LRRC42: variants seen among roughly 807,000 people sequenced by gnomAD.
LRRC42 encodes the protein leucine-rich repeat-containing protein 42.
A neutral mutation model predicts 44.3 loss-of-function variants in LRRC42; 43 were observed. That is an observed-to-expected ratio of 0.97 (90% confidence interval 0.76 to 1.25). LRRC42 has a LOEUF of 1.25. Ranked by LOEUF, LRRC42 falls within the 50% of genes most tolerant of loss-of-function variation. LRRC42 has a pLI of 0.00. For missense variants in LRRC42, 540 were observed against 509.1 expected (o/e 1.06, Z -0.58); for synonymous variants, 207 against 195.2 (o/e 1.06, Z -0.50).
At position 53,957,431 on chromosome 1, in the gene LRRC42, C is replaced by A. The variant is rs149944909; in HGVS notation, c.474-718C>A. Among the ~76,000 whole-genome samples, 56 of 152,322 alleles carry A rather than the reference C, an allele frequency of 3.7e-4. No homozygotes were observed. In the East Asian group the frequency reaches 8.3e-3, roughly 23 times the overall value. ...AGCAGGGTGGAGGCCCCAGCCTGGGCTGTGGAATGCTGTTTTGATCTCCTT... is the reference window on the plus strand; with the variant it reads ...AGCAGGGTGGAGGCCCCAGCCTGGGATGTGGAATGCTGTTTTGATCTCCTT... On this transcript the variant is annotated intron_variant, in intron 3 of 8. Coordinates refer to ENST00000371370, the MANE Select transcript of LRRC42 (RefSeq NM_001256409.2).
In LRRC42 at chr1:53,951,408, A is replaced by C. The variant is rs150875831; in HGVS notation, c.-14-578A>C. Among the ~76,000 whole-genome samples the C allele has an allele frequency of 9.3e-3, 1,422 of 152,176 alleles. 29 individuals are homozygous for C. The highest frequency in any genetic ancestry group is 0.033 in the African/African-American group (1,356 of 41,514). The stretch of plus-strand genomic sequence containing the variant: ...TTCCTTAGCATGAATTTTGAAGATG[A>C]GATTTTGACCTGGGTTTCTGTTTGT... On this transcript the variant is annotated intron_variant, in intron 2 of 8. Transcript: ENST00000371370.
At position 53,967,938 on chromosome 1, in the gene LRRC42, G is replaced by T. The variant is rs1377421178; in HGVS notation, c.1286G>T (p.Ter429LeuextTer6). 1.2e-6 allele frequency: 2 copies of T among 1,611,218 alleles called. No homozygotes were observed. Among genetic ancestry groups the T allele is most frequent in the Admixed American group, 1.7e-5 (1 of 59,844 alleles). Residue 429 changes from the stop codon to leucine (L), a stop_lost, in exon 9 of 9, where the codon TGA becomes TTA. Coordinates refer to ENST00000371370, the MANE Select transcript of LRRC42 (RefSeq NM_001256409.2). ...VEDWDLLNSY[*>L] ...GACTGGGACTTGTTAAATTCCTATTGATTAGTAGATACAAGTTGACCTTTC... is the reference window on the plus strand; with the variant it reads ...GACTGGGACTTGTTAAATTCCTATTTATTAGTAGATACAAGTTGACCTTTC...
At chr1:53,947,457 A>G (rs1654537254) in intron 1 of LRRC42, among the ~76,000 whole-genome samples, 2 of 152,264 alleles carry the variant, frequency 1.3e-5, no homozygotes, top group Middle Eastern at 3.4e-3. Flanking sequence ...AAGAATGGGG[A>G]CACACAGAAC....
At chr1:53,961,145 C>T (rs1216708589) in intron 5 of LRRC42, among the ~76,000 whole-genome samples, 1 of 152,156 alleles carries the variant, frequency 6.6e-6, no homozygotes, top group Admixed American at 6.5e-5. Context: ...CGCGGTGGCT[C>T]ACGCCTGTAA....
intron 1 of LRRC42, among the ~76,000 whole-genome samples, chr1:53,947,406 G>A (rs1654533096): frequency 6.6e-6 from 1 of 152,094 alleles, no homozygotes; most frequent in Non-Finnish European, 1.5e-5. Context: ...GTAGGAAAGT[G>A]CATATTATAG....
At chr1:53,957,681 T>A (rs1435098745) in intron 3 of LRRC42, among the ~76,000 whole-genome samples, 2 of 152,216 alleles carry the variant, frequency 1.3e-5, no homozygotes, top group Non-Finnish European at 2.9e-5. Flanking sequence ...TCTTGGTATG[T>A]TCTTGGGGAC....
chr1:53,951,510 T>C (rs1318776886), intron 2 of LRRC42, among the ~76,000 whole-genome samples: 1 of 152,148 alleles, frequency 6.6e-6, no homozygotes, highest in African/African-American at 2.4e-5. Flanking sequence ...CTGTAACCTC[T>C]GTCTCCCGGG....
At chr1:53,957,341 C>T (rs969411713) in intron 3 of LRRC42, among the ~76,000 whole-genome samples, 2 of 152,202 alleles carry the variant, frequency 1.3e-5, no homozygotes, top group African/African-American at 4.8e-5. Context: ...TCTCCATTTC[C>T]TGTCACACCT....
At chr1:53,959,124 T>C (rs1654928031) in intron 4 of LRRC42, among the ~76,000 whole-genome samples, 1 of 152,234 alleles carries the variant, frequency 6.6e-6, no homozygotes, top group East Asian at 1.9e-4. Context: ...CCTCAGGTGA[T>C]CCACCCACCT....
intron 7 of LRRC42, 34 bp from the exon 8 acceptor site, chr1:53,966,262 T>G (rs758390401): frequency 6.1e-5 from 94 of 1,537,886 alleles, no homozygotes; most frequent in Non-Finnish European, 8.4e-5. Context: ...CTCAATATTT[T>G]GTTTGGATTC....
rs766682591 is a variant in LRRC42 at position 53,952,010 on chromosome 1, A to G, written c.11A>G (p.Tyr4Cys). The change falls in exon 3 of 9, where the codon TAC becomes TGC. Residue 4 changes from tyrosine (Y) to cysteine (C), a missense_variant. Tyr to Cys is a radical substitution (Grantham distance 194). Transcript: ENST00000371370. MSY[Y>C]LSSENHLDPG... ...GTTGCAACCAAGGCAATGTCTTACT[A>G]CCTCAGCTCAGAAAACCACCTGGAC... 2 of 1,613,356 alleles carry G rather than the reference A, an allele frequency of 1.2e-6. No homozygotes were observed. Among genetic ancestry groups the G allele is most frequent in the Admixed American group, 1.7e-5 (1 of 59,934 alleles).
rs200868851 is a variant in LRRC42, at chr1:53,958,155, C to T, written c.480C>T (p.Leu160=). The T allele has an allele frequency of 2.7e-4, 439 of 1,613,634 alleles. 3 individuals carry two copies. In the Middle Eastern group the frequency reaches 2.8e-3, roughly 10 times the overall value. The change falls in exon 4 of 9, where the codon CTC becomes CTT. Residue 160 remains leucine, a synonymous_variant. Coordinates refer to ENST00000371370, the MANE Select transcript of LRRC42 (RefSeq NM_001256409.2). ...TGCTCTCCACGCTCCGTAGGTATCT[C>T]GTGATTTCAGAAAAGCTTGAGGAGA... ...LCSLCLRNRY[L]VISEKLEEIK... is the part of the protein sequence containing the mutation.
At chr1:53,950,025 A>G (rs12079858) in intron 2 of LRRC42, among the ~76,000 whole-genome samples, 15,396 of 152,288 alleles carry the variant, frequency 0.1, 842 homozygotes, top group Non-Finnish European at 0.12. Flanking sequence ...GATGAATCAA[A>G]TAAGTACCTT....
At position 53,962,197 on chromosome 1, in the gene LRRC42, AG is replaced by A; in HGVS notation, c.813+76del. The A allele has an allele frequency of 2.7e-6, 4 of 1,456,638 alleles. No homozygotes were observed. In the African/African-American group the frequency reaches 5.6e-5, roughly 20 times the overall value. 90.2% of individuals were successfully genotyped at this position (1,456,638 alleles called of 1,614,324 possible). A position where few individuals can be genotyped will look rare whatever the true frequency, so the allele number is the denominator to read the frequency against. ...ATTTTGCCTGTGCTAATTGGTATTT[AG>A]AAAGGGCTGGTATTTATGATGGTCT... On this transcript the variant is annotated intron_variant, in intron 6 of 8. Transcript: ENST00000371370.
chr1:53,947,016 G>A (rs911797463), intron 1 of LRRC42, among the ~76,000 whole-genome samples: 3 of 151,780 alleles, frequency 2.0e-5, no homozygotes, highest in Non-Finnish European at 2.9e-5. Flanking sequence ...GAGAACAGAA[G>A]GCAAGGAAAG....
Position 53,955,150 on chromosome 1 carries a change from A to G in LRRC42, c.473+2678A>G, listed in dbSNP as rs1489154197. Among the ~76,000 whole-genome samples, 4 of 152,172 alleles carry G rather than the reference A, an allele frequency of 2.6e-5. No homozygotes were observed. The East Asian group carries it at 7.7e-4, about 29-fold the overall frequency. On this transcript the variant is annotated intron_variant, in intron 3 of 8. Coordinates refer to ENST00000371370, the MANE Select transcript of LRRC42 (RefSeq NM_001256409.2). ...GATAGAAGGAAAAAAGAAATCTACC[A>G]AAAAGCGGTCTAGATGGTGGGATTG... is the stretch of plus-strand genomic sequence containing the variant.
At chr1:53,961,751 A>G (rs1395321302) in intron 5 of LRRC42, among the ~76,000 whole-genome samples, 1 of 152,222 alleles carries the variant, frequency 6.6e-6, no homozygotes, top group Non-Finnish European at 1.5e-5. Flanking sequence ...ATGGTTCCAA[A>G]TTAAACCCTT....
rs539349114 is a variant in LRRC42, at chr1:53,960,919, A to C, written c.724+445A>C. Among the ~76,000 whole-genome samples, 387 of 152,304 alleles carry C rather than the reference A, an allele frequency of 2.5e-3. 2 individuals carry two copies. The highest frequency in any genetic ancestry group is 8.8e-3 in the African/African-American group (364 of 41,564). On this transcript the variant is annotated intron_variant, in intron 5 of 8. Coordinates refer to ENST00000371370, the MANE Select transcript of LRRC42 (RefSeq NM_001256409.2). The stretch of plus-strand genomic sequence containing the variant: ...TTGACTCCAATGGTAAGAGGTTGAC[A>C]GAGATCATTTACAATTTAACCGAGC...
chr1:53,964,657 A>G lies in LRRC42; in HGVS notation c.928-1639A>G, dbSNP rs76045284. Among the ~76,000 whole-genome samples the G allele has an allele frequency of 9.3e-3, 1,421 of 152,306 alleles. 28 individuals are homozygous for G. The highest frequency in any genetic ancestry group is 0.033 in the African/African-American group (1,355 of 41,574). Reference sequence around the variant, plus strand: ...AAAATTATAGAAAAGATGGCAACTAATATTTATTAAGTGCCTTTTGTGTGC... The same window carrying G: ...AAAATTATAGAAAAGATGGCAACTAGTATTTATTAAGTGCCTTTTGTGTGC... On this transcript the variant is annotated intron_variant, in intron 7 of 8. Coordinates refer to ENST00000371370, the MANE Select transcript of LRRC42 (RefSeq NM_001256409.2).
Sources: gnomAD v4.1 joint callset for allele counts (sites outside exome capture counted in the v4.1 genomes callset) on GRCh38, gnomAD v4.1.1 for gene constraint, MANE v1.5 for transcripts, NCBI Gene and HGNC (gene_info 2026-07-23, HGNC 2026-07-21) for gene names.